Variants in PUDP observed in about 807,000 individuals in gnomAD.
PUDP encodes pseudouridine 5'-phosphatase, also known as pseudouridine-5'-phosphatase.
In PUDP, 8 loss-of-function variants were observed where a neutral mutation model predicts 9.4. The ratio of observed to expected loss-of-function variants is 0.85; its 90% CI spans 0.50 to 1.53. The LOEUF is 1.53. Among genes scored for constraint, PUDP ranks in the 40% most tolerant of loss-of-function variants. PUDP has a pLI of 0.00. For synonymous variants in PUDP, 99 were observed against 80.7 expected, an observed-to-expected ratio of 1.23 and a Z score of -1.22; for missense variants, 188 against 189.7, an observed-to-expected ratio of 0.99 and a Z score of 0.05.
chrX:7,128,000 C>CAA (rs749845488), intron 1 of PUDP, among the ~76,000 whole-genome samples: 1 of 111,887 alleles, frequency 8.9e-6, no homozygotes, highest in African/African-American at 3.2e-5. Flanking sequence ...GGTTGAGACT[C>CAA]AAACACTGTT....
chrX:6,885,974 G>A lies in PUDP; in HGVS notation c.*247+91159C>T, dbSNP rs779765927. ...TAATTGATCACTTAAAATTCCAATT[G>A]TTTTTCTGCTGTACAAACATTTCTA... On this transcript the variant is annotated intron_variant and NMD_transcript_variant, in intron 3 of 3. Transcript: ENST00000655425. Among the ~76,000 whole-genome samples, 36 of 111,539 alleles carry A rather than the reference G, an allele frequency of 3.2e-4. No homozygotes were observed. In the South Asian group the frequency reaches 0.011, roughly 34 times the overall value.
chrX:7,082,364 C>T (rs1215649509), intron 2 of PUDP, among the ~76,000 whole-genome samples: 2 of 112,426 alleles, frequency 1.8e-5, no homozygotes, highest in African/African-American at 3.2e-5. Flanking sequence ...CTCAGGTGTT[C>T]GTGGCATTCT....
At chrX:6,817,858 C>A (rs1168281982) in intron 3 of PUDP, among the ~76,000 whole-genome samples, 29 of 111,280 alleles carry the variant, frequency 2.6e-4, no homozygotes, top group African/African-American at 9.1e-4. Context: ...AAAAGGGATG[C>A]CTTTCTGTCT....
chrX:6,862,280 C>T (rs1927013422), intron 3 of PUDP, among the ~76,000 whole-genome samples: 1 of 111,946 alleles, frequency 8.9e-6, no homozygotes, highest in Non-Finnish European at 1.9e-5. Context: ...AAGGGACAGA[C>T]ATCAGGTCTT....
intron 3 of PUDP, among the ~76,000 whole-genome samples, chrX:6,805,526 A>C (rs6529984): frequency 1.8e-5 from 2 of 108,123 alleles, no homozygotes; most frequent in Non-Finnish European, 3.8e-5. Flanking sequence ...AAAACCAAAA[A>C]GTTTTTTTTT....
At chrX:6,879,163 A>G (rs1247458089) in intron 3 of PUDP, among the ~76,000 whole-genome samples, 1 of 111,885 alleles carries the variant, frequency 8.9e-6, no homozygotes, top group Non-Finnish European at 1.9e-5. Context: ...CTCATGGCCC[A>G]GGACCATGTT....
At chrX:7,089,619 A>C (rs957179085) in intron 2 of PUDP, among the ~76,000 whole-genome samples, 5 of 111,544 alleles carry the variant, frequency 4.5e-5, no homozygotes, top group South Asian at 7.5e-4. Context: ...CCTGTTTTTA[A>C]ATGAAAAGAG....
At chrX:6,934,264 T>A (rs756172729) in intron 3 of PUDP, among the ~76,000 whole-genome samples, 1 of 104,282 alleles carries the variant, frequency 9.6e-6, no homozygotes, top group South Asian at 4.4e-4. Context: ...GGGAAGCCCA[T>A]CAGACTAACA....
chrX:7,121,721 C>T (rs1400314065), intron 1 of PUDP, among the ~76,000 whole-genome samples: 1 of 111,290 alleles, frequency 9.0e-6, no homozygotes, highest in Non-Finnish European at 1.9e-5. Flanking sequence ...GGCTTTCTAA[C>T]TAGCATGCAG....
intron 3 of PUDP, among the ~76,000 whole-genome samples, chrX:6,879,435 TAC>T (rs753425131): frequency 0.1 from 10,620 of 101,345 alleles, 468 homozygotes; most frequent in African/African-American, 0.12. Context: ...ACAGCACAAT[TAC>T]ACACACACAC....
At chrX:6,774,931 T>A (rs1011891426) in intron 3 of PUDP, among the ~76,000 whole-genome samples, 2 of 112,657 alleles carry the variant, frequency 1.8e-5, no homozygotes, top group African/African-American at 3.2e-5. Flanking sequence ...CAGAATCTCT[T>A]GAGGGTGCTG....
At chrX:6,919,516 C>T (rs746571797) in intron 3 of PUDP, among the ~76,000 whole-genome samples, 9 of 110,529 alleles carry the variant, frequency 8.1e-5, no homozygotes, top group Non-Finnish European at 1.5e-4. Context: ...CTTTGAGGTT[C>T]AAAGCTGTAA....
At chrX:7,059,753 A>G (rs1171925144) in intron 3 of PUDP, among the ~76,000 whole-genome samples, 2 of 112,083 alleles carry the variant, frequency 1.8e-5, no homozygotes, top group Non-Finnish European at 3.8e-5. Context: ...CATTGTCAGG[A>G]CAGCAAAAGC....
chrX:6,803,272 A>T (rs975152453), intron 3 of PUDP, among the ~76,000 whole-genome samples: 2 of 110,648 alleles, frequency 1.8e-5, no homozygotes, highest in African/African-American at 6.6e-5. Context: ...CTTTGTAACC[A>T]TAAGTATCAC....
chrX:6,979,554 G>T (rs1352477290), intron 1 of PUDP, among the ~76,000 whole-genome samples: 3 of 111,800 alleles, frequency 2.7e-5, no homozygotes, highest in African/African-American at 9.7e-5. Context: ...TAAGGAATGG[G>T]ATATGAGGGG....
intron 3 of PUDP, among the ~76,000 whole-genome samples, chrX:6,814,466 T>G (rs1393444234): frequency 9.1e-6 from 1 of 109,928 alleles, no homozygotes; most frequent in East Asian, 2.9e-4. Context: ...GGGGTGGGGG[T>G]TCTGTTTATT....
intron 1 of PUDP, among the ~76,000 whole-genome samples, chrX:7,030,962 T>C (rs746946943): frequency 9.0e-6 from 1 of 111,610 alleles, no homozygotes; most frequent in Non-Finnish European, 1.9e-5. Context: ...TTTATGGTTA[T>C]TTCTTGACGA....
At chrX:6,713,478 G>A (rs772906535) in intron 1 of PUDP, among the ~76,000 whole-genome samples, 9 of 111,904 alleles carry the variant, frequency 8.0e-5, no homozygotes, top group Middle Eastern at 4.2e-3. Flanking sequence ...TAGGCTTTGT[G>A]TTAGATGATT....
At chrX:6,920,330 T>C (rs1480127290) in intron 3 of PUDP, among the ~76,000 whole-genome samples, 3 of 111,273 alleles carry the variant, frequency 2.7e-5, no homozygotes, top group Non-Finnish European at 3.8e-5. Context: ...TTTCTGATCC[T>C]CATCTCTCAC....
Sources: allele counts gnomAD v4.1 joint callset (sites outside exome capture counted in the v4.1 genomes callset), GRCh38; gene constraint gnomAD v4.1.1; transcripts MANE v1.5; gene names NCBI Gene and HGNC (gene_info 2026-07-23, HGNC 2026-07-21).